Variants in FSCN3 observed in about 807,000 individuals in gnomAD.
The protein encoded by FSCN3 is fascin-3.
FSCN3 carries 43 observed loss-of-function variants against 53.5 expected under a neutral mutation model. The observed-to-expected ratio is 0.80, with a 90% CI of 0.63 to 1.04. The LOEUF (loss-of-function observed/expected upper bound fraction) is 1.04. Ranked by LOEUF, FSCN3 falls within the 50% of genes least tolerant of loss-of-function variation. The pLI is 0.00. For missense variants in FSCN3, 594 were observed against 646.5 expected, an observed-to-expected ratio of 0.92 and a Z score of 0.88; for synonymous variants, 235 against 246.6, an observed-to-expected ratio of 0.95 and a Z score of 0.44.
chr7:127,598,211 C>T (rs945296301), intron 3 of FSCN3, among the ~76,000 whole-genome samples: 3 of 152,092 alleles, frequency 2.0e-5, no homozygotes, highest in African/African-American at 7.2e-5. Context: ...GATATCCTGG[C>T]GTAGTTTTTA....
chr7:127,599,574 C>G (rs754833506), intron 5 of FSCN3, 23 bp downstream of exon 5: 4 of 1,609,084 alleles, frequency 2.5e-6, no homozygotes, highest in Non-Finnish European at 3.4e-6. Context: ...TCTTCCCTGC[C>G]CAAGGGTTCA....
At chr7:127,600,470 G>T in intron 6 of FSCN3, 71 bp downstream of exon 6, 1 of 917,704 alleles carries the variant, frequency 1.1e-6, no homozygotes, top group Admixed American at 1.9e-5. Flanking sequence ...GGAGGTGGGT[G>T]GGGAGGCATG....
Position 127,596,329 on chromosome 7 carries a change from T to C in FSCN3, c.843T>C (p.Asp281=). The C allele has an allele frequency of 6.2e-7, 1 of 1,604,416 alleles. No individual in the cohort carries two copies. Among genetic ancestry groups the C allele is most frequent in the South Asian group, 1.1e-5 (1 of 90,860 alleles). The stretch of plus-strand genomic sequence containing the variant: ...TACTGACATGCGCTTCCTCTGCAGA[T>C]GGTGAGGTGCGTGCTGCTTCTGAGC... ...KTGRFISVIY[D]GEVRAASERL... is the part of the protein sequence containing the mutation. The change falls in exon 3 of 7, where the codon GAT becomes GAC. Residue 281 remains aspartate (D), a splice_region_variant and synonymous_variant. Transcript: ENST00000265825.
Position 127,594,000 on chromosome 7 carries a change from G to A in FSCN3, c.144+3G>A, listed in dbSNP as rs1483360384. On this transcript the variant is annotated splice_donor_region_variant and intron_variant, in intron 1 of 6. Transcript: ENST00000265825. ...CGAAGAGTTTGGGCAGGAGACAGGT[G>A]ACAAAGCAAACCCATGCTGGCACCA... 1.2e-6 allele frequency: 2 copies of A among 1,612,728 alleles called. No homozygotes were observed. The highest frequency in any genetic ancestry group is 2.2e-5 in the East Asian group (1 of 44,860).
Position 127,595,948 on chromosome 7 carries a change from C to T in FSCN3, c.786C>T (p.Cys262=), listed in dbSNP as rs200706829. ...RGEEWFILQH[C]PTWVSLRSKT... ...AGGAGTGGTTCATCCTACAGCACTG[C>T]CCAACCTGGGTCAGCCTCAGGTCAA... Residue 262 remains cysteine, a synonymous_variant, in exon 2 of 7, where the codon TGC becomes TGT. Coordinates refer to ENST00000265825, the MANE Select transcript of FSCN3 (RefSeq NM_020369.3). 623 of 1,591,370 alleles carry T rather than the reference C, an allele frequency of 3.9e-4. 5 individuals carry two copies. The East Asian group carries it at 8.5e-3, about 22-fold the overall frequency.
At chr7:127,598,353 G>A in intron 3 of FSCN3, 82 bp from the exon 4 acceptor site, 1 of 1,288,990 alleles carries the variant, frequency 7.8e-7, no homozygotes, top group Non-Finnish European at 1.1e-6. Flanking sequence ...TGTGGGAAGA[G>A]GGTCTAGGAA....
intron 1 of FSCN3, chr7:127,594,537 G>A (rs1301072421): frequency 2.1e-6 from 1 of 471,094 alleles, no homozygotes; most frequent in Non-Finnish European, 4.4e-6. Context: ...GAGAGCACAG[G>A]GTGGTTGTGT....
At chr7:127,598,655 G>T in intron 4 of FSCN3, 61 bp downstream of exon 4, 6 of 1,409,824 alleles carry the variant, frequency 4.3e-6, no homozygotes, top group Non-Finnish European at 5.9e-6. Context: ...AGAGGGAGGT[G>T]GAATATGATT....
At chr7:127,594,854 G>A in intron 1 of FSCN3, 2 of 472,848 alleles carry the variant, frequency 4.2e-6, no homozygotes, top group Non-Finnish European at 8.8e-6. Context: ...GCCAGGGCCT[G>A]CCTATAAGAG....
In FSCN3 at chr7:127,595,333, G is replaced by A. The variant is rs1239468669; in HGVS notation, c.171G>A (p.Glu57=). 4.3e-6 allele frequency: 7 copies of A among 1,612,822 alleles called. No homozygotes were observed. Among genetic ancestry groups the A allele is most frequent in the Non-Finnish European group, 5.9e-6 (7 of 1,179,274 alleles). ...CCTGGGAGATCTTGGTGAGCAATGA[G>A]CATGAGACACAGGCCGTGGTGCGAC... The part of the protein sequence containing the change: ...RQTWEILVSN[E]HETQAVVRLK... Residue 57 remains glutamate (E), a synonymous_variant, in exon 2 of 7, where the codon GAG becomes GAA. Transcript: ENST00000265825.
At position 127,595,630 on chromosome 7, in the gene FSCN3, T is replaced by C. The variant is rs1487494473; in HGVS notation, c.468T>C (p.Tyr156=). 3.1e-6 allele frequency: 5 copies of C among 1,614,082 alleles called. No individual in the cohort carries two copies. Among genetic ancestry groups the C allele is most frequent in the African/African-American group, 1.3e-5 (1 of 75,056 alleles). The change falls in exon 2 of 7, where the codon TAT becomes TAC. Residue 156 remains tyrosine, a synonymous_variant. Transcript: ENST00000265825. ...TCTACAGCCCCATCCACCGCTGCTA[T>C]GCCCGGGCTGACCCCACTATGGGCC... The part of the protein sequence containing the change: ...VILYSPIHRC[Y]ARADPTMGRI...
At chr7:127,596,025 G>A (rs765995498) in intron 2 of FSCN3, 22 bp downstream of exon 2, 1 of 1,519,656 alleles carries the variant, frequency 6.6e-7, no homozygotes, top group African/African-American at 1.4e-5. Context: ...ACCCAACACA[G>A]ATGGAGGGAG....
chr7:127,599,834 A>G (rs553048482), intron 5 of FSCN3, among the ~76,000 whole-genome samples: 2 of 151,888 alleles, frequency 1.3e-5, no homozygotes, highest in African/African-American at 4.8e-5. Flanking sequence ...AGTCTCAGCT[A>G]CTTGGGAGGC....
intron 4 of FSCN3, among the ~76,000 whole-genome samples, chr7:127,599,089 G>A (rs1391026901): frequency 1.3e-5 from 2 of 152,054 alleles, no homozygotes; most frequent in African/African-American, 4.8e-5. Context: ...CTATAAAAAT[G>A]AACATTTCAT....
chr7:127,600,011 G>A (rs1794449378), intron 5 of FSCN3, among the ~76,000 whole-genome samples, 183 bp from the exon 6 acceptor site: 1 of 152,074 alleles, frequency 6.6e-6, no homozygotes, highest in Admixed American at 6.5e-5. Context: ...AGGGTGGGTT[G>A]GCAGAACAGA....
chr7:127,595,247 C>G, intron 1 of FSCN3, 60 bp from the exon 2 acceptor site: 3 of 1,466,502 alleles, frequency 2.0e-6, no homozygotes, highest in Non-Finnish European at 2.8e-6. Flanking sequence ...AGTTGCAGGG[C>G]TCCTTGGTCT....
chr7:127,594,769 C>G, intron 1 of FSCN3: 1 of 471,386 alleles, frequency 2.1e-6, no homozygotes, highest in East Asian at 7.0e-5. Context: ...AGTTCTTCCT[C>G]TTATAACAAG....
intron 5 of FSCN3, 105 bp downstream of exon 5, chr7:127,599,656 G>A: frequency 9.0e-7 from 1 of 1,113,028 alleles, no homozygotes; most frequent in Non-Finnish European, 1.3e-6. Flanking sequence ...ATTATAAAAG[G>A]AAAAACAGGC....
chr7:127,596,856 GCAGT>G (rs1387089470), intron 3 of FSCN3, among the ~76,000 whole-genome samples: 25 of 152,128 alleles, frequency 1.6e-4, no homozygotes, highest in Admixed American at 5.9e-4. Flanking sequence ...CTGCTTCTTT[GCAGT>G]CAGTTTCCCT....
Sources: gnomAD v4.1 joint callset for allele counts (sites outside exome capture counted in the v4.1 genomes callset) on GRCh38, gnomAD v4.1.1 for gene constraint, MANE v1.5 for transcripts, NCBI Gene and HGNC (gene_info 2026-07-23, HGNC 2026-07-21) for gene names.